Variants in MRPS17 observed in about 807,000 individuals in gnomAD.
MRPS17 encodes mitochondrial ribosomal protein S17.
A neutral mutation model predicts 11.3 loss-of-function variants in MRPS17; 6 were observed. The ratio of observed to expected loss-of-function variants is 0.53; its 90% CI spans 0.29 to 1.05. MRPS17 has a LOEUF of 1.05. MRPS17 is among the 50% of genes least tolerant of loss of function. MRPS17 has a pLI of 0.08. For missense variants in MRPS17, 139 were observed against 153.6 expected, an observed-to-expected ratio of 0.90 and a Z score of 0.50; for synonymous variants, 56 against 60.4, an observed-to-expected ratio of 0.93 and a Z score of 0.34.
In MRPS17 at chr7:55,954,133, G is replaced by A. The variant is rs151283190; in HGVS notation, c.124-776G>A. ...GGACCTGAACTAAAGTTGATGTAGT[G>A]GGGATGGAGTGGAAAAAATATTTCA... On this transcript the variant is annotated intron_variant, in intron 2 of 2. Coordinates refer to ENST00000285298, the MANE Select transcript of MRPS17 (RefSeq NM_015969.3). Among the ~76,000 whole-genome samples, 393 of 152,268 alleles carry A rather than the reference G, an allele frequency of 2.6e-3. 3 individuals carry two copies. Among genetic ancestry groups the A allele is most frequent in the African/African-American group, 8.7e-3 (360 of 41,548 alleles).
intron 2 of MRPS17, among the ~76,000 whole-genome samples, chr7:55,954,493 C>T (rs948453623): frequency 9.9e-5 from 15 of 152,180 alleles, no homozygotes; most frequent in East Asian, 3.9e-4. Flanking sequence ...TTTGGGAGGC[C>T]GAGGCAGGTG....
At chr7:55,952,718 G>T (rs1347627245) in intron 1 of MRPS17, among the ~76,000 whole-genome samples, 1 of 150,720 alleles carries the variant, frequency 6.6e-6, no homozygotes, top group Non-Finnish European at 1.5e-5. Flanking sequence ...CTGGGCGAAA[G>T]AACTAAACTT....
At chr7:55,953,440 AT>A in intron 2 of MRPS17, 122 bp downstream of exon 2, 1 of 1,397,226 alleles carries the variant, frequency 7.2e-7, no homozygotes. Flanking sequence ...TGAGCCAGGC[AT>A]TTTGCTGGTC....
chr7:55,953,143 C>A, intron 1 of MRPS17, 36 bp from the exon 2 acceptor site: 1 of 1,608,410 alleles, frequency 6.2e-7, no homozygotes, highest in South Asian at 1.1e-5. Context: ...GGCATCATAA[C>A]CACCAGAATA....
At chr7:55,952,473 C>T (rs1330126329) in intron 1 of MRPS17, among the ~76,000 whole-genome samples, 1 of 152,146 alleles carries the variant, frequency 6.6e-6, no homozygotes, top group African/African-American at 2.4e-5. Flanking sequence ...TGGCTCACGC[C>T]TCTTAATCCC....
In MRPS17 at chr7:55,956,384, G is replaced by A. The variant is rs576021094; in HGVS notation, c.*1206G>A. ...TCCGCCCGCCTGGGCCTCTCAAAGTGCTTGGATTACAGGCATGAGCCACTG... is the reference window on the plus strand; with the variant it reads ...TCCGCCCGCCTGGGCCTCTCAAAGTACTTGGATTACAGGCATGAGCCACTG... On this transcript the variant is annotated 3_prime_UTR_variant, in exon 3 of 3. Coordinates refer to ENST00000285298, the MANE Select transcript of MRPS17 (RefSeq NM_015969.3). The A allele has an allele frequency of 1.3e-5, 2 of 152,286 alleles. No homozygotes were observed. Among genetic ancestry groups the A allele is most frequent in the Admixed American group, 6.5e-5 (1 of 15,280 alleles). 9.4% of individuals were successfully genotyped at this position (152,286 alleles called of 1,614,324 possible). A position where few individuals can be genotyped will look rare whatever the true frequency, so the allele number is the denominator to read the frequency against.
At chr7:55,952,743 T>G (rs1369341722) in intron 1 of MRPS17, among the ~76,000 whole-genome samples, 4 of 133,944 alleles carry the variant, frequency 3.0e-5, no homozygotes, top group African/African-American at 1.2e-4. Flanking sequence ...TAAAGAAAAA[T>G]ACATATGGCC....
Position 55,955,458 on chromosome 7 carries a change from G to C in MRPS17, c.*280G>C. ...GCTCACAGTTTTTTGTTTTGAGATG[G>C]AATCTCACTCTGTCACCCAGGCTGG... On this transcript the variant is annotated 3_prime_UTR_variant, in exon 3 of 3. Coordinates refer to ENST00000285298, the MANE Select transcript of MRPS17 (RefSeq NM_015969.3). The C allele has an allele frequency of 2.8e-6, 1 of 360,080 alleles. No individual in the cohort carries two copies. Among genetic ancestry groups the C allele is most frequent in the Non-Finnish European group, 5.1e-6 (1 of 194,550 alleles). The allele number at this position is 360,080 out of a possible 1,614,324, so 22.3% of individuals were successfully genotyped here. A position where few individuals can be genotyped will look rare whatever the true frequency, so the allele number is the denominator to read the frequency against.
chr7:55,953,070 G>T, intron 1 of MRPS17, 109 bp from the exon 2 acceptor site: 1 of 1,189,676 alleles, frequency 8.4e-7, no homozygotes, highest in Admixed American at 2.3e-5. Flanking sequence ...GTGGAGGGGG[G>T]AACGAAAAAG....
At chr7:55,952,461 G>T (rs1225712549) in intron 1 of MRPS17, among the ~76,000 whole-genome samples, 1 of 152,180 alleles carries the variant, frequency 6.6e-6, no homozygotes, top group African/African-American at 2.4e-5. Flanking sequence ...AGCCGGGCGC[G>T]GTGGCTCACG....
Position 55,955,325 on chromosome 7 carries a change from C to A in MRPS17, c.*147C>A. ...AAAAGCAAATGAAGTAAAGGGCATA[C>A]TATGGTTTTTCACAAAGGTTTATGG... On this transcript the variant is annotated 3_prime_UTR_variant, in exon 3 of 3. Transcript: ENST00000285298. 2 of 993,304 alleles carry A rather than the reference C, an allele frequency of 2.0e-6. No homozygotes were observed. The highest frequency in any genetic ancestry group is 2.9e-6 in the Non-Finnish European group (2 of 682,336). 61.5% of individuals were successfully genotyped at this position (993,304 alleles called of 1,614,324 possible). A position where few individuals can be genotyped will look rare whatever the true frequency, so the allele number is the denominator to read the frequency against.
At chr7:55,954,391 C>T (rs948807940) in intron 2 of MRPS17, among the ~76,000 whole-genome samples, 4 of 152,132 alleles carry the variant, frequency 2.6e-5, no homozygotes, top group African/African-American at 9.6e-5. Flanking sequence ...CCTCCCTGAA[C>T]TTTTCTCATA....
chr7:55,954,869 G>A (rs765803585), intron 2 of MRPS17, 40 bp from the exon 3 acceptor site: 1 of 1,596,746 alleles, frequency 6.3e-7, no homozygotes, highest in South Asian at 1.1e-5. Context: ...CCAGGTCACA[G>A]ATGGGAACTA....
rs754197704 is a variant in MRPS17, at chr7:55,953,190, C to G, written c.-6C>G. On this transcript the variant is annotated 5_prime_UTR_variant, in exon 2 of 3. Coordinates refer to ENST00000285298, the MANE Select transcript of MRPS17 (RefSeq NM_015969.3). ...AATTTGCTTTTCAGGTGACCAAAGC[C>G]ACGTAATGTCCGTAGTTCGCTCATC... 2 of 1,613,668 alleles carry G rather than the reference C, an allele frequency of 1.2e-6. No individual in the cohort carries two copies. Among genetic ancestry groups the G allele is most frequent in the Non-Finnish European group, 1.7e-6 (2 of 1,179,942 alleles).
Position 55,955,982 on chromosome 7 carries a change from C to G in MRPS17, c.*804C>G, listed in dbSNP as rs1786722021. On this transcript the variant is annotated 3_prime_UTR_variant, in exon 3 of 3. Coordinates refer to ENST00000285298, the MANE Select transcript of MRPS17 (RefSeq NM_015969.3). Reference sequence around the variant, plus strand: ...GTCTCCCTGTGTTGCCCAGGTTGGTCTCGGACTCCTGGGAGCAATCTGCCC... The same window carrying G: ...GTCTCCCTGTGTTGCCCAGGTTGGTGTCGGACTCCTGGGAGCAATCTGCCC... 1 of 151,532 alleles carries G rather than the reference C, an allele frequency of 6.6e-6. No individual in the cohort carries two copies. The highest frequency in any genetic ancestry group is 2.1e-4 in the South Asian group (1 of 4,796). 9.4% of individuals were successfully genotyped at this position (151,532 alleles called of 1,614,324 possible). A position where few individuals can be genotyped will look rare whatever the true frequency, so the allele number is the denominator to read the frequency against.
intron 2 of MRPS17, among the ~76,000 whole-genome samples, chr7:55,953,986 GCCCTGGGGGTTGGGGAT>G (rs1224277971): frequency 6.6e-6 from 1 of 152,174 alleles, no homozygotes; most frequent in Non-Finnish European, 1.5e-5. Context: ...TCAGTCTGCT[GCCCTGGGGGTTGGGGAT>G]CCCTGCTTGA....
In MRPS17 at chr7:55,954,349, ACT is replaced by A. The variant is rs772493283; in HGVS notation, c.124-557_124-556del. Among the ~76,000 whole-genome samples the A allele has an allele frequency of 3.3e-5, 5 of 151,910 alleles. No individual in the cohort carries two copies. In the South Asian group the frequency reaches 8.3e-4, roughly 25 times the overall value. ...TTGGGAGACCTTAGTTTGAATACTGACTCTTGTTTACCAGCTACACACATGGC... is the reference window on the plus strand; with the variant it reads ...TTGGGAGACCTTAGTTTGAATACTGACTTGTTTACCAGCTACACACATGGC... On this transcript the variant is annotated intron_variant, in intron 2 of 2. Coordinates refer to ENST00000285298, the MANE Select transcript of MRPS17 (RefSeq NM_015969.3).
In MRPS17 at chr7:55,955,600, AT is replaced by A. The variant is rs35194140; in HGVS notation, c.*441del. The A allele has an allele frequency of 0.68, 93,909 of 137,106 alleles. 32,559 individuals carry two copies. Among genetic ancestry groups the A allele is most frequent in the African/African-American group, 0.87 (30,898 of 35,340 alleles). 8.5% of individuals were successfully genotyped at this position (137,106 alleles called of 1,614,324 possible). ...AGGCGCCTGCCACCATGCCCAGCTA[AT>A]TTTTTTTTTTTTTTTTTTGGTATTT... On this transcript the variant is annotated 3_prime_UTR_variant, in exon 3 of 3. Transcript: ENST00000285298.
At chr7:55,954,797 A>T (rs1786702579) in intron 2 of MRPS17, 112 bp from the exon 3 acceptor site, 1 of 1,329,160 alleles carries the variant, frequency 7.5e-7, no homozygotes, top group African/African-American at 1.5e-5. Flanking sequence ...TTAGTATCTT[A>T]TCTTTTCCTA....
Sources: gnomAD v4.1 joint callset for allele counts (sites outside exome capture counted in the v4.1 genomes callset) on GRCh38, gnomAD v4.1.1 for gene constraint, MANE v1.5 for transcripts, NCBI Gene and HGNC (gene_info 2026-07-23, HGNC 2026-07-21) for gene names.